Variants in ZDHHC6 observed in about 807,000 individuals in gnomAD.
ZDHHC6 encodes zDHHC palmitoyltransferase 6.
A neutral mutation model predicts 57.8 loss-of-function variants in ZDHHC6; 32 were observed. The observed-to-expected ratio is 0.55, with a 90% confidence interval of 0.42 to 0.74. The LOEUF (loss-of-function observed/expected upper bound fraction) is 0.74, where lower values mean the gene tolerates loss of function less well. Among genes scored for constraint, ZDHHC6 ranks in the 30% least tolerant of loss-of-function variants. ZDHHC6 has a pLI of 0.00. For missense variants in ZDHHC6, 433 were observed against 500.7 expected (o/e 0.86, Z 1.29); for synonymous variants, 128 against 158.0 (o/e 0.81, Z 1.42).
rs903682172 is a variant in ZDHHC6, at chr10:112,432,429, C to T, written c.1038G>A (p.Glu346=). Residue 346 remains glutamate (E), a synonymous_variant, in exon 9 of 11, where the codon GAG becomes GAA. Transcript: ENST00000369405. ...CCCCTTTTTGCAGCTGTATTCGAGG[C>T]TCTTCGGTGCAGGGACTTGTGAAGA... The part of the protein sequence containing the change: ...KTFFTSPCTE[E]PRIQLQKGEF... 17 of 1,614,088 alleles carry T rather than the reference C, an allele frequency of 1.1e-5. No individual in the cohort carries two copies. Among genetic ancestry groups the T allele is most frequent in the African/African-American group, 9.3e-5 (7 of 74,950 alleles).
At position 112,433,283 on chromosome 10, in the gene ZDHHC6, T is replaced by A; in HGVS notation, c.904-2A>T. On this transcript the variant is annotated splice_acceptor_variant, in intron 7 of 10. Transcript: ENST00000369405. LOFTEE classifies it high-confidence loss of function. The stretch of plus-strand genomic sequence containing the variant: ...TGCTTTTTGTTTCAACTGTTCTATC[T>A]GTTTGGAAGAAATAAAAAGAAAAAA... 1.3e-6 allele frequency: 2 copies of A among 1,567,338 alleles called. No individual in the cohort carries two copies. The highest frequency in any genetic ancestry group is 1.2e-5 in the South Asian group (1 of 82,788).
chr10:112,443,588 T>C lies in ZDHHC6; in HGVS notation c.286A>G (p.Met96Val), dbSNP rs370896437. 20 of 1,612,256 alleles carry C rather than the reference T, an allele frequency of 1.2e-5. No homozygotes were observed. The highest frequency in any genetic ancestry group is 1.6e-4 in the Middle Eastern group (1 of 6,076). ...CAGACTTTACAATACTGGAGATACA[T>C]GGTATCCTGAGAAATTTCCTTGGCA... The part of the protein sequence containing the change: ...GWKPEISQDT[M>V]YLQYCKVCQA... Residue 96 changes from methionine (M) to valine (V), a missense_variant, in exon 3 of 11, where the codon ATG becomes GTG. Physicochemically the swap from Met to Val is conservative, Grantham distance 21. Transcript: ENST00000369405.
In ZDHHC6 at chr10:112,440,590, C is replaced by G. The variant is rs772522451; in HGVS notation, c.625G>C (p.Ala209Pro). 6.2e-7 allele frequency: 1 copy of G among 1,613,904 alleles called. No homozygotes were observed. ...GLAAFATTLF[A>P]LGLALGTTIA... ...GTTGTTCCTAAAGCTAATCCCAAGG[C>G]AAACAAGGTGGTAGCAAATGCAGCT... Residue 209 changes from alanine (A) to proline (P), a missense_variant, in exon 5 of 11, where the codon GCC becomes CCC. By Grantham distance (27) the Ala-to-Pro change is conservative. Transcript: ENST00000369405.
chr10:112,447,354 C>T (rs780604794), upstream of ZDHHC6: 2 of 1,610,794 alleles, frequency 1.2e-6, no homozygotes, highest in Non-Finnish European at 1.7e-6. Context: ...TTGGCCTGGG[C>T]TACTCGTTCC....
intron 4 of ZDHHC6, among the ~76,000 whole-genome samples, chr10:112,441,222 T>G (rs977598136): frequency 6.6e-6 from 1 of 152,226 alleles, no homozygotes; most frequent in Admixed American, 6.5e-5. Context: ...AATGTTACTT[T>G]TTGTTGTTGT....
chr10:112,429,318 TCAGA>T (rs1246097271), downstream of ZDHHC6, among the ~76,000 whole-genome samples: 4 of 152,222 alleles, frequency 2.6e-5, no homozygotes, highest in Admixed American at 6.5e-5. Flanking sequence ...CTCAAACGTG[TCAGA>T]CACAGGTCCA....
At chr10:112,432,134 T>C (rs983970573) in intron 10 of ZDHHC6, 106 bp downstream of exon 10, 6 of 1,066,142 alleles carry the variant, frequency 5.6e-6, no homozygotes, top group African/African-American at 1.6e-5. Context: ...TTCTATGCAG[T>C]TCCCCTAATG....
intron 8 of ZDHHC6, 22 bp downstream of exon 8, chr10:112,433,218 C>T: frequency 6.4e-7 from 1 of 1,558,258 alleles, no homozygotes; most frequent in Admixed American, 2.0e-5. Flanking sequence ...AAAAAAATTA[C>T]CACTGCAAAA....
intron 1 of ZDHHC6, among the ~76,000 whole-genome samples, chr10:112,446,316 G>T (rs1268761726): frequency 2.6e-5 from 4 of 152,118 alleles, no homozygotes; most frequent in African/African-American, 9.7e-5. Context: ...GTGAAATTAT[G>T]ACCAGAAGAG....
chr10:112,430,135 G>A (rs1456991125), downstream of ZDHHC6, among the ~76,000 whole-genome samples: 2 of 152,200 alleles, frequency 1.3e-5, no homozygotes. Flanking sequence ...CACTATGACC[G>A]CAATATCCCA....
At chr10:112,426,386 G>A (rs1304910823), downstream of ZDHHC6, 1 of 1,588,238 alleles carries the variant, frequency 6.3e-7, no homozygotes, top group African/African-American at 1.3e-5. Context: ...AAAGCTTTAT[G>A]CACACCCATG....
chr10:112,433,330 T>A lies in ZDHHC6; in HGVS notation c.904-49A>T, dbSNP rs367577093. ...AAAAATGAAGTCTCTTGTCTCAATG[T>A]TGAAAAATCGCCTTTCCTCATCAAC... On this transcript the variant is annotated intron_variant, in intron 7 of 10. Transcript: ENST00000369405. The A allele has an allele frequency of 5.7e-4, 839 of 1,465,032 alleles. 16 individuals are homozygous for A. In the South Asian group the frequency reaches 0.011, roughly 19 times the overall value. The allele number at this position is 1,465,032 out of a possible 1,614,324, so 90.8% of individuals were successfully genotyped here.
chr10:112,426,176 T>G (rs908653277), downstream of ZDHHC6: 1 of 1,087,154 alleles, frequency 9.2e-7, no homozygotes, highest in Non-Finnish European at 1.4e-6. Flanking sequence ...TACAATGACA[T>G]AATTCTGCTT....
exon 12 of ZDHHC6, chr10:112,425,169 A>G: frequency 3.6e-6 from 2 of 551,144 alleles, no homozygotes; most frequent in Non-Finnish European, 6.3e-6. Flanking sequence ...TTGCTGCACG[A>G]TGCTTCCCTC....
At chr10:112,428,874 TAAG>T (rs1844845037), downstream of ZDHHC6, among the ~76,000 whole-genome samples, 1 of 152,176 alleles carries the variant, frequency 6.6e-6, no homozygotes, top group African/African-American at 2.4e-5. Flanking sequence ...CTGAGATTGT[TAAG>T]AAGACCCACA....
downstream of ZDHHC6, chr10:112,427,568 CTAA>C (rs950284855): frequency 5.2e-5 from 21 of 403,568 alleles, no homozygotes; most frequent in African/African-American, 4.4e-4. Flanking sequence ...TTCGATGTTG[CTAA>C]TATTAAGGCT....
At chr10:112,426,347 G>A, downstream of ZDHHC6, 1 of 1,613,984 alleles carries the variant, frequency 6.2e-7, no homozygotes, top group Non-Finnish European at 8.5e-7. Context: ...TTGAGGAACT[G>A]TGCCAAAACC....
intron 6 of ZDHHC6, among the ~76,000 whole-genome samples, chr10:112,437,505 A>G (rs951483494): frequency 5.5e-4 from 84 of 152,350 alleles, no homozygotes; most frequent in African/African-American, 1.9e-3. Context: ...CTATTAAAAT[A>G]TTCTATCCTT....
chr10:112,447,040 C>A, upstream of ZDHHC6: 2 of 287,546 alleles, frequency 7.0e-6, no homozygotes, highest in South Asian at 7.1e-5. Context: ...TCCCAGAACA[C>A]GAAGGGGGGA....
Sources: gnomAD v4.1 joint callset for allele counts (sites outside exome capture counted in the v4.1 genomes callset) on GRCh38, gnomAD v4.1.1 for gene constraint, MANE v1.5 for transcripts, NCBI Gene and HGNC (gene_info 2026-07-23, HGNC 2026-07-21) for gene names.